The following IL1RAPL2 variants were observed in gnomAD, a reference collection of about 807,000 sequenced individuals.
The protein encoded by IL1RAPL2 is X-linked interleukin-1 receptor accessory protein-like 2.
A neutral mutation model predicts 44.1 loss-of-function variants in IL1RAPL2; 3 were observed. The ratio of observed to expected loss-of-function variants is 0.07; its 90% CI spans 0.03 to 0.18. The LOEUF (loss-of-function observed/expected upper bound fraction) is 0.18, where lower values mean the gene tolerates loss of function less well. Ranked by LOEUF, IL1RAPL2 falls within the 10% of genes least tolerant of loss-of-function variation. The pLI, the probability that IL1RAPL2 is intolerant of heterozygous loss-of-function variation, is 1.00. For synonymous variants in IL1RAPL2, 181 were observed against 178.8 expected (o/e 1.01, Z -0.10); for missense variants, 391 against 496.4 (o/e 0.79, Z 2.02).
rs776131831 is a variant in IL1RAPL2 at position 105,018,593 on chromosome X, G to C, written c.83-176882G>C. Among the ~76,000 whole-genome samples the C allele has an allele frequency of 2.7e-5, 3 of 111,418 alleles. No homozygotes were observed. In the South Asian group the frequency reaches 1.1e-3, roughly 42 times the overall value. ...ATCACACGAATCACCTAGTAAGGCA[G>C]TACTGTGTTTAACATAGTTTAACCT... On this transcript the variant is annotated intron_variant, in intron 2 of 10. Transcript: ENST00000372582.
At chrX:105,648,448 TAGAG>T (rs1807511410) in intron 6 of IL1RAPL2, among the ~76,000 whole-genome samples, 4 of 111,031 alleles carry the variant, frequency 3.6e-5, no homozygotes, top group Admixed American at 1.9e-4. Context: ...AAAACTGAAA[TAGAG>T]AGAAAGAATG....
intron 2 of IL1RAPL2, among the ~76,000 whole-genome samples, chrX:104,895,092 A>G (rs1476286246): frequency 1.8e-5 from 2 of 112,447 alleles, no homozygotes; most frequent in Non-Finnish European, 1.9e-5. Context: ...CGGAGGCTGC[A>G]GAACAGCGAA....
intron 6 of IL1RAPL2, among the ~76,000 whole-genome samples, chrX:105,688,746 A>G (rs1477868213): frequency 8.9e-6 from 1 of 111,972 alleles, no homozygotes; most frequent in Non-Finnish European, 1.9e-5. Context: ...TGGAACCAAA[A>G]AAGAGCCTGC....
At chrX:105,738,914 A>T (rs1037126302) in intron 7 of IL1RAPL2, among the ~76,000 whole-genome samples, 2 of 110,449 alleles carry the variant, frequency 1.8e-5, no homozygotes, top group African/African-American at 6.6e-5. Context: ...ACAGATGGGG[A>T]GCAGTGTCTG....
chrX:104,918,685 C>T (rs1415534452), intron 2 of IL1RAPL2, among the ~76,000 whole-genome samples: 1 of 111,612 alleles, frequency 9.0e-6, no homozygotes. Context: ...ATTGTGGATT[C>T]TGACTAGTAA....
intron 1 of IL1RAPL2, among the ~76,000 whole-genome samples, chrX:104,651,309 A>G (rs1299374479): frequency 9.0e-6 from 1 of 111,623 alleles, no homozygotes; most frequent in Non-Finnish European, 1.9e-5. Flanking sequence ...AAGAATAGGG[A>G]GGGGTGAATT....
chrX:105,326,463 C>G (rs1432670367), intron 5 of IL1RAPL2, among the ~76,000 whole-genome samples: 1 of 111,152 alleles, frequency 9.0e-6, no homozygotes, highest in Non-Finnish European at 1.9e-5. Context: ...GTGTTGTTGT[C>G]TTACCTACAA....
chrX:105,763,643 T>G, intron 10 of IL1RAPL2, among the ~76,000 whole-genome samples: 1 of 103,416 alleles, frequency 9.7e-6, no homozygotes, highest in Non-Finnish European at 2.0e-5. Flanking sequence ...AAGACAGAGG[T>G]AGAGAGGGGG....
intron 2 of IL1RAPL2, among the ~76,000 whole-genome samples, chrX:105,120,144 A>G (rs1296120327): frequency 9.2e-6 from 1 of 108,125 alleles, no homozygotes; most frequent in Non-Finnish European, 1.9e-5. Flanking sequence ...GAATTTGTGA[A>G]ATGTGGGGCT....
intron 2 of IL1RAPL2, among the ~76,000 whole-genome samples, chrX:105,079,466 T>C (rs1228091037): frequency 7.3e-5 from 8 of 109,808 alleles, no homozygotes; most frequent in Non-Finnish European, 1.3e-4. Flanking sequence ...TATCCAGTTC[T>C]TGTGATGGTT....
intron 2 of IL1RAPL2, among the ~76,000 whole-genome samples, chrX:104,663,524 A>C (rs1930438084): frequency 9.0e-6 from 1 of 110,633 alleles, no homozygotes; most frequent in South Asian, 3.9e-4. Context: ...TGTGATATTG[A>C]GATCTCATCT....
At chrX:105,208,584 GA>G (rs1274185700) in intron 3 of IL1RAPL2, among the ~76,000 whole-genome samples, 1 of 111,197 alleles carries the variant, frequency 9.0e-6, no homozygotes. Context: ...AGCTAAGTGA[GA>G]GGGGTAATGT....
intron 1 of IL1RAPL2, among the ~76,000 whole-genome samples, chrX:104,585,356 ATATATT>A (rs1928528817): frequency 3.7e-5 from 1 of 27,082 alleles, no homozygotes; most frequent in Non-Finnish European, 5.3e-5. Context: ...TATATATTAT[ATATATT>A]ATATATATTA....
intron 2 of IL1RAPL2, among the ~76,000 whole-genome samples, chrX:104,917,776 G>T (rs1924504301): frequency 8.9e-6 from 1 of 111,802 alleles, no homozygotes; most frequent in Non-Finnish European, 1.9e-5. Flanking sequence ...GTGCTTGAGT[G>T]GAAAACTGGC....
intron 2 of IL1RAPL2, among the ~76,000 whole-genome samples, chrX:104,891,420 C>A (rs936350552): frequency 8.9e-6 from 1 of 112,090 alleles, no homozygotes; most frequent in Admixed American, 9.5e-5. Context: ...ATTGATTCTT[C>A]CTATCCATGA....
At chrX:105,725,265 C>A (rs1032822678) in intron 7 of IL1RAPL2, among the ~76,000 whole-genome samples, 1 of 111,494 alleles carries the variant, frequency 9.0e-6, no homozygotes, top group African/African-American at 3.3e-5. Flanking sequence ...AAACAGTTTA[C>A]CAAATCTTTT....
chrX:105,123,107 G>A (rs1056694286), intron 2 of IL1RAPL2, among the ~76,000 whole-genome samples: 3 of 111,000 alleles, frequency 2.7e-5, no homozygotes, highest in Non-Finnish European at 5.7e-5. Flanking sequence ...CTTTATTGTA[G>A]TGTGGTGAAA....
At chrX:105,014,103 A>G (rs1188765135) in intron 2 of IL1RAPL2, among the ~76,000 whole-genome samples, 1 of 111,940 alleles carries the variant, frequency 8.9e-6, no homozygotes, top group Non-Finnish European at 1.9e-5. Flanking sequence ...TAAATGAGAA[A>G]GGATGATTTC....
At chrX:105,653,324 A>T (rs144761134) in intron 6 of IL1RAPL2, among the ~76,000 whole-genome samples, 1 of 111,975 alleles carries the variant, frequency 8.9e-6, no homozygotes, top group African/African-American at 3.2e-5. Context: ...TGATGCTGAA[A>T]AATGGAACCT....
Sources: gnomAD v4.1 joint callset for allele counts (sites outside exome capture counted in the v4.1 genomes callset) on GRCh38, gnomAD v4.1.1 for gene constraint, MANE v1.5 for transcripts, NCBI Gene and HGNC (gene_info 2026-07-23, HGNC 2026-07-21) for gene names.